AGR3: variants seen among roughly 807,000 people sequenced by gnomAD.
The protein encoded by AGR3 is anterior gradient 3, protein disulphide isomerase family member, also known as anterior gradient protein 3.
In AGR3, 37 loss-of-function variants were observed where a neutral mutation model predicts 24.5. The ratio of observed to expected loss-of-function variants is 1.51; its 90% confidence interval spans 1.16 to 1.99. AGR3 has a LOEUF of 1.99. Among genes scored for constraint, AGR3 ranks in the 30% most tolerant of loss-of-function variants. The probability of loss-of-function intolerance (pLI) is 0.00; values close to 1 mark genes in which losing one functional copy is unlikely to be tolerated. For missense variants in AGR3, 228 were observed against 191.1 expected (o/e 1.19, Z -1.14); for synonymous variants, 75 against 61.6 (o/e 1.22, Z -1.02).
intron 3 of AGR3, among the ~76,000 whole-genome samples, chr7:16,867,132 G>T (rs1781773793): frequency 6.6e-6 from 1 of 151,982 alleles, no homozygotes; most frequent in Non-Finnish European, 1.5e-5. Context: ...ATAAAATTTT[G>T]CAGTGGTATC....
At position 16,875,125 on chromosome 7, in the gene AGR3, A is replaced by T. The variant is rs1781960565; in HGVS notation, c.110-1282T>A. On this transcript the variant is annotated intron_variant, in intron 2 of 7. Coordinates refer to ENST00000310398, the MANE Select transcript of AGR3 (RefSeq NM_176813.5). ...GCGAGACTCCATCTCAAAAAAAAAA[A>T]AAAAAAGAAAAAAAGAAAATGTGTG... 2.6e-5 allele frequency among the ~76,000 whole-genome samples: 4 copies of T among 151,746 alleles called. No individual in the cohort carries two copies. The South Asian group carries it at 8.3e-4, about 32-fold the overall frequency.
rs1419458445 is a variant in AGR3 at position 16,861,459 on chromosome 7, A to AG, written c.304-13dup. 2.5e-6 allele frequency: 4 copies of AG among 1,595,052 alleles called. No individual in the cohort carries two copies. The highest frequency in any genetic ancestry group is 1.1e-5 in the South Asian group (1 of 88,074). ...TCAGTGGTTTCATGCTAGCAGGAGA[A>AG]GAAAAAAAAAGAATGTTATTGGATT... On this transcript the variant is annotated splice_polypyrimidine_tract_variant and intron_variant, in intron 5 of 7. Coordinates refer to ENST00000310398, the MANE Select transcript of AGR3 (RefSeq NM_176813.5).
intron 3 of AGR3, chr7:16,866,053 AC>A: frequency 4.8e-6 from 3 of 628,378 alleles, no homozygotes; most frequent in Non-Finnish European, 8.9e-6. Flanking sequence ...TCATTTTCAG[AC>A]AGATAGTCTT....
chr7:16,875,591 G>A (rs1781972275), intron 2 of AGR3, among the ~76,000 whole-genome samples: 1 of 151,944 alleles, frequency 6.6e-6, no homozygotes, highest in African/African-American at 2.4e-5. Context: ...GTTTTTCAGT[G>A]GTATATATTT....
intron 3 of AGR3, among the ~76,000 whole-genome samples, chr7:16,868,594 C>T (rs1409486485): frequency 6.6e-6 from 1 of 151,944 alleles, no homozygotes; most frequent in African/African-American, 2.4e-5. Context: ...GTCTTCTATT[C>T]TGTTGGTTAT....
In AGR3 at chr7:16,878,638, A is replaced by C; in HGVS notation, c.-20T>G. 2 of 1,587,718 alleles carry C rather than the reference A, an allele frequency of 1.3e-6. No homozygotes were observed. The highest frequency in any genetic ancestry group is 1.7e-6 in the Non-Finnish European group (2 of 1,157,088). ...CATCATGTCTTCTAGAGACTCTCTC[A>C]GAAGAAGCTAGATGACAGAAAGGAA... On this transcript the variant is annotated 5_prime_UTR_variant, in exon 2 of 8. Coordinates refer to ENST00000310398, the MANE Select transcript of AGR3 (RefSeq NM_176813.5).
downstream of AGR3, among the ~76,000 whole-genome samples, chr7:16,858,090 T>A (rs1781578343): frequency 6.6e-6 from 1 of 151,440 alleles, no homozygotes; most frequent in Non-Finnish European, 1.5e-5. Context: ...CAGGTTCAAG[T>A]GATTCTCCTG....
chr7:16,873,646 T>C, intron 3 of AGR3, 134 bp downstream of exon 3: 1 of 673,976 alleles, frequency 1.5e-6, no homozygotes, highest in Non-Finnish European at 2.5e-6. Context: ...GTGATGCATA[T>C]GCTAATTACA....
intron 1 of AGR3, among the ~76,000 whole-genome samples, chr7:16,880,177 T>TC (rs1782082425): frequency 6.9e-6 from 1 of 145,932 alleles, no homozygotes; most frequent in Non-Finnish European, 1.5e-5. Context: ...TTTCTTTCTT[T>TC]TTTTTTTTTT....
intron 3 of AGR3, among the ~76,000 whole-genome samples, chr7:16,867,905 T>C (rs562114006): frequency 1.3e-5 from 2 of 152,282 alleles, no homozygotes; most frequent in Non-Finnish European, 2.9e-5. Context: ...CATATGGTAG[T>C]TCTATTTTTA....
At chr7:16,875,169 C>T (rs745572780) in intron 2 of AGR3, among the ~76,000 whole-genome samples, 3 of 151,706 alleles carry the variant, frequency 2.0e-5, no homozygotes, top group East Asian at 1.9e-4. Context: ...AGTATATCCA[C>T]GAAGTTGTGC....
chr7:16,861,865 C>CT, intron 5 of AGR3, 119 bp downstream of exon 5: 1 of 865,840 alleles, frequency 1.2e-6, no homozygotes, highest in Middle Eastern at 3.6e-4. Context: ...TACGCCACTG[C>CT]ACTCCAGCCT....
intron 2 of AGR3, among the ~76,000 whole-genome samples, chr7:16,876,347 C>T (rs1781986110): frequency 6.6e-6 from 1 of 152,154 alleles, no homozygotes; most frequent in Admixed American, 6.5e-5. Context: ...TAAATATTTA[C>T]TATCCGCCAA....
intron 1 of AGR3, among the ~76,000 whole-genome samples, chr7:16,881,326 G>A (rs1048391997): frequency 3.3e-5 from 5 of 152,104 alleles, no homozygotes; most frequent in Non-Finnish European, 5.9e-5. Context: ...TTATAAAATA[G>A]ATATTAAATA....
chr7:16,870,382 CT>C (rs1562549062), intron 3 of AGR3, among the ~76,000 whole-genome samples: 1 of 148,730 alleles, frequency 6.7e-6, no homozygotes, highest in African/African-American at 2.5e-5. Context: ...ACATTTTCTA[CT>C]TTTTCCTTCT....
chr7:16,874,286 A>G (rs898346726), intron 2 of AGR3, among the ~76,000 whole-genome samples: 8 of 152,154 alleles, frequency 5.3e-5, no homozygotes, highest in African/African-American at 1.9e-4. Flanking sequence ...CTAAGTCAGT[A>G]TACGTTGTGA....
intron 3 of AGR3, among the ~76,000 whole-genome samples, chr7:16,871,855 CA>C (rs1781872158): frequency 1.3e-5 from 2 of 151,948 alleles, no homozygotes; most frequent in African/African-American, 4.8e-5. Context: ...AAACAACAAG[CA>C]AACAAAAACC....
At chr7:16,861,273 A>C in intron 6 of AGR3, 111 bp downstream of exon 6, 1 of 757,302 alleles carries the variant, frequency 1.3e-6, no homozygotes, top group South Asian at 2.5e-5. Flanking sequence ...TTGGATTAGA[A>C]ATGACTTCTC....
chr7:16,865,002 C>A, intron 3 of AGR3: 1 of 940,020 alleles, frequency 1.1e-6, no homozygotes, highest in Non-Finnish European at 1.8e-6. Flanking sequence ...CTACTACCTC[C>A]TCAGGTTCAA....
Sources: allele counts gnomAD v4.1 joint callset (sites outside exome capture counted in the v4.1 genomes callset), GRCh38; gene constraint gnomAD v4.1.1; transcripts MANE v1.5; gene names NCBI Gene and HGNC (gene_info 2026-07-23, HGNC 2026-07-21).